TNIP1: variants seen among roughly 807,000 people sequenced by gnomAD.
TNIP1 encodes the protein TNFAIP3 interacting protein 1.
TNIP1 carries 22 observed loss-of-function variants against 86.6 expected under a neutral mutation model. That is an observed-to-expected ratio of 0.25 (90% CI 0.18 to 0.36). TNIP1 has a LOEUF of 0.36. Ranked by LOEUF, TNIP1 falls within the 10% of genes least tolerant of loss-of-function variation. TNIP1 has a pLI of 1.00. For synonymous variants in TNIP1, 294 were observed against 313.0 expected (o/e 0.94, Z 0.64); for missense variants, 709 against 820.6 (o/e 0.86, Z 1.66).
intron 11 of TNIP1, 81 bp from the exon 12 acceptor site, chr5:151,039,306 C>T: frequency 6.8e-7 from 1 of 1,475,564 alleles, no homozygotes. Flanking sequence ...CCTGGCCCAG[C>T]CCTTACGTTC....
chr5:151,055,581 A>T (rs1760554480), intron 6 of TNIP1, among the ~76,000 whole-genome samples: 1 of 150,054 alleles, frequency 6.7e-6, no homozygotes. Flanking sequence ...CTCCCAACAC[A>T]CCCCTCCCCT....
intron 12 of TNIP1, among the ~76,000 whole-genome samples, chr5:151,037,763 C>T (rs1325432680): frequency 6.6e-6 from 1 of 152,166 alleles, no homozygotes; most frequent in Non-Finnish European, 1.5e-5. Context: ...CCTCCCTGGA[C>T]CGAGGGGAGA....
chr5:151,087,342 C>T (rs977051493), upstream of TNIP1, among the ~76,000 whole-genome samples: 3 of 152,148 alleles, frequency 2.0e-5, no homozygotes, highest in Admixed American at 2.0e-4. Flanking sequence ...CTGGCTGTCC[C>T]GTGCTGTGAA....
In TNIP1 at chr5:151,029,992, T is replaced by C; in HGVS notation, c.*721A>G. On this transcript the variant is annotated 3_prime_UTR_variant, in exon 18 of 18. Transcript: ENST00000521591. ...TATGTCCATGATTCGTGCAAATAGC[T>C]ATCCAGGGATGGACAGCCACCCTAA... The C allele has an allele frequency of 2.3e-6, 1 of 444,108 alleles. No individual in the cohort carries two copies. Among genetic ancestry groups the C allele is most frequent in the South Asian group, 1.6e-5 (1 of 64,266 alleles). The allele number at this position is 444,108 out of a possible 1,614,324, so 27.5% of individuals were successfully genotyped here.
intron 9 of TNIP1, among the ~76,000 whole-genome samples, chr5:151,044,714 C>T (rs1302756113): frequency 1.3e-5 from 2 of 151,976 alleles, no homozygotes; most frequent in African/African-American, 4.8e-5. Context: ...CAAGTGTCTA[C>T]CAAAAAGGAG....
At chr5:151,074,806 TCTCA>T (rs1706988818) in intron 1 of TNIP1, among the ~76,000 whole-genome samples, 1 of 152,148 alleles carries the variant, frequency 6.6e-6, no homozygotes, top group South Asian at 2.1e-4. Context: ...TGAATCTGGG[TCTCA>T]CTCTGTTGCC....
chr5:151,068,859 C>T (rs1418346796), intron 1 of TNIP1, among the ~76,000 whole-genome samples: 1 of 152,218 alleles, frequency 6.6e-6, no homozygotes, highest in African/African-American at 2.4e-5. Flanking sequence ...TACAAATCAG[C>T]AGGTGCTCCA....
At chr5:151,033,510 G>C in intron 16 of TNIP1, 98 bp downstream of exon 16, 1 of 816,574 alleles carries the variant, frequency 1.2e-6, no homozygotes, top group South Asian at 2.0e-5. Context: ...AGTTCAGAAG[G>C]ATGCAGTTTC....
At chr5:151,061,883 T>C (rs535211579) in intron 4 of TNIP1, among the ~76,000 whole-genome samples, 1 of 152,318 alleles carries the variant, frequency 6.6e-6, no homozygotes, top group Admixed American at 6.5e-5. Context: ...AGTATACAAC[T>C]TAGTAAGTGA....
chr5:151,030,330 C>A lies in TNIP1; in HGVS notation c.*383G>T, dbSNP rs1677132323. On this transcript the variant is annotated 3_prime_UTR_variant, in exon 18 of 18. Transcript: ENST00000521591. The stretch of plus-strand genomic sequence containing the variant: ...AAACACACACACAAATTGGTCATGG[C>A]AACTAGAGGGCCTGAAACCACTTCC... The A allele has an allele frequency of 4.9e-6, 2 of 409,178 alleles. No homozygotes were observed. The highest frequency in any genetic ancestry group is 9.4e-6 in the Non-Finnish European group (2 of 212,330). The allele number at this position is 409,178 out of a possible 1,614,324, so 25.3% of individuals were successfully genotyped here. A position where few individuals can be genotyped will look rare whatever the true frequency, so the allele number is the denominator to read the frequency against.
chr5:151,033,860 A>C, intron 15 of TNIP1, 61 bp from the exon 16 acceptor site: 202 of 1,312,108 alleles, frequency 1.5e-4, no homozygotes, highest in Non-Finnish European at 1.8e-4. Flanking sequence ...CACCCATCTC[A>C]TCACCCTCTA....
intron 5 of TNIP1, among the ~76,000 whole-genome samples, chr5:151,058,645 C>G (rs1760993374): frequency 6.6e-6 from 1 of 152,222 alleles, no homozygotes; most frequent in Non-Finnish European, 1.5e-5. Context: ...TCTGCAAGTT[C>G]TGCTCATCCT....
chr5:151,036,093 T>C (rs1176193806), intron 13 of TNIP1, among the ~76,000 whole-genome samples: 2 of 152,202 alleles, frequency 1.3e-5, no homozygotes, highest in Non-Finnish European at 2.9e-5. Context: ...CAAACTCCGC[T>C]AGGGCTCCAG....
intron 9 of TNIP1, 152 bp downstream of exon 9, chr5:151,045,709 C>T: frequency 1.4e-6 from 1 of 716,006 alleles, no homozygotes; most frequent in Admixed American, 2.1e-5. Flanking sequence ...GGAGTCAGAC[C>T]TCATCCATGG....
intron 13 of TNIP1, 111 bp from the exon 14 acceptor site, chr5:151,035,818 G>C: frequency 7.1e-7 from 1 of 1,414,216 alleles, no homozygotes; most frequent in Admixed American, 2.0e-5. Flanking sequence ...CAGAGCTGGG[G>C]GTCGCCATGG....
chr5:151,030,174 G>A lies in TNIP1; in HGVS notation c.*539C>T. 4.4e-6 allele frequency: 2 copies of A among 456,612 alleles called. No homozygotes were observed. The highest frequency in any genetic ancestry group is 3.1e-5 in the South Asian group (2 of 64,566). The allele number at this position is 456,612 out of a possible 1,614,324, so 28.3% of individuals were successfully genotyped here. A position where few individuals can be genotyped will look rare whatever the true frequency, so the allele number is the denominator to read the frequency against. On this transcript the variant is annotated 3_prime_UTR_variant, in exon 18 of 18. Transcript: ENST00000521591. ...CAAGGCTACTGTGAGTGGTGGTGGAGAGGGCCCCAGAGCCAGAATATCCAT... is the reference window on the plus strand; with the variant it reads ...CAAGGCTACTGTGAGTGGTGGTGGAAAGGGCCCCAGAGCCAGAATATCCAT...
rs114647544 is a variant in TNIP1, at chr5:151,041,737, G to T, written c.1134+803C>A. 8.5e-3 allele frequency among the ~76,000 whole-genome samples: 1,292 copies of T among 152,242 alleles called. 20 individuals carry two copies. Among genetic ancestry groups the T allele is most frequent in the African/African-American group, 0.029 (1,201 of 41,526 alleles). On this transcript the variant is annotated intron_variant, in intron 11 of 17. Coordinates refer to ENST00000521591, the MANE Select transcript of TNIP1 (RefSeq NM_006058.5). The stretch of plus-strand genomic sequence containing the variant: ...TTAGTTGTCTGGCACCTCTTTCCCA[G>T]CGAGGGCAGGGTTGAGCTGTTCCTG...
At chr5:151,039,480 C>T (rs1758144285) in intron 11 of TNIP1, among the ~76,000 whole-genome samples, 3 of 152,222 alleles carry the variant, frequency 2.0e-5, no homozygotes, top group South Asian at 2.1e-4. Flanking sequence ...ATTCCGACAC[C>T]AGTTCATCCA....
At chr5:151,050,559 T>C (rs1759775172) in intron 7 of TNIP1, among the ~76,000 whole-genome samples, 1 of 152,230 alleles carries the variant, frequency 6.6e-6, no homozygotes, top group African/African-American at 2.4e-5. Context: ...AAAGTAAAAT[T>C]CTAAGTAACT....
Sources: gnomAD v4.1 joint callset for allele counts (sites outside exome capture counted in the v4.1 genomes callset) on GRCh38, gnomAD v4.1.1 for gene constraint, MANE v1.5 for transcripts, NCBI Gene and HGNC (gene_info 2026-07-23, HGNC 2026-07-21) for gene names.